NECTIN1: variants seen among roughly 807,000 people sequenced by gnomAD.
NECTIN1 encodes nectin cell adhesion molecule 1.
In NECTIN1, 23 loss-of-function variants were observed where a neutral mutation model predicts 48.0. That is an observed-to-expected ratio of 0.48 (90% CI 0.34 to 0.68). NECTIN1 has a LOEUF of 0.68. Ranked by LOEUF, NECTIN1 falls within the 30% of genes least tolerant of loss-of-function variation. NECTIN1 has a pLI of 0.01. For synonymous variants in NECTIN1, 270 were observed against 288.9 expected (o/e 0.93, Z 0.66); for missense variants, 591 against 709.9 (o/e 0.83, Z 1.90).
Position 119,690,406 on chromosome 11 carries a change from T to TGG in NECTIN1, c.80-11643_80-11642dup, listed in dbSNP as rs200958117. ...GCTCCTGGATCACAGACCTCCGAGC[T>TGG]GGGGGGTGGCAGTCTTTATCCGATG... is the stretch of plus-strand genomic sequence containing the variant. On this transcript the variant is annotated intron_variant, in intron 1 of 5. Transcript: ENST00000264025. Among the ~76,000 whole-genome samples, 564 of 152,182 alleles carry TGG rather than the reference T, an allele frequency of 3.7e-3. 5 individuals are homozygous for TGG. The East Asian group carries it at 0.048, about 13-fold the overall frequency.
Position 119,661,958 on chromosome 11 carries a change from T to G in NECTIN1, c.*2789A>C, listed in dbSNP as rs905137363. On this transcript the variant is annotated 3_prime_UTR_variant, in exon 6 of 6. Coordinates refer to ENST00000264025, the MANE Select transcript of NECTIN1 (RefSeq NM_002855.5). Reference sequence around the variant, plus strand: ...TGCAGGCCTGTGTTCACCTACTCTGTGCTGCTGCTTTTCAGACCCTTCTGA... The same window carrying G: ...TGCAGGCCTGTGTTCACCTACTCTGGGCTGCTGCTTTTCAGACCCTTCTGA... 8.1e-6 allele frequency: 8 copies of G among 985,270 alleles called. No individual in the cohort carries two copies. Among genetic ancestry groups the G allele is most frequent in the African/African-American group, 1.7e-5 (1 of 57,206 alleles). The allele number at this position is 985,270 out of a possible 1,614,324, so 61.0% of individuals were successfully genotyped here.
rs74405489 is a variant in NECTIN1 at position 119,684,741 on chromosome 11, G to A, written c.80-5976C>T. On this transcript the variant is annotated intron_variant, in intron 1 of 5. Transcript: ENST00000264025. This position sits in a 1 kb window ranked among gnomAD's most constrained non-coding sequence, Gnocchi z 5.2. ...AAGCCAAGGCCAGCTCCGCCTGGGAGAGAGGCCGGTGTGGAGGAGCGTGCA... is the reference window on the plus strand; with the variant it reads ...AAGCCAAGGCCAGCTCCGCCTGGGAAAGAGGCCGGTGTGGAGGAGCGTGCA... Among the ~76,000 whole-genome samples, 562 of 152,358 alleles carry A rather than the reference G, an allele frequency of 3.7e-3. 5 individuals are homozygous for A. The East Asian group carries it at 0.048, about 13-fold the overall frequency.
At chr11:119,718,653 C>A (rs1591488366) in intron 1 of NECTIN1, among the ~76,000 whole-genome samples, 1 of 152,182 alleles carries the variant, frequency 6.6e-6, no homozygotes, top group Non-Finnish European at 1.5e-5. Context: ...GCTACTATAC[C>A]TGCCTCTGGT....
downstream of NECTIN1, among the ~76,000 whole-genome samples, chr11:119,658,512 A>G (rs931299910): frequency 6.6e-6 from 1 of 152,186 alleles, no homozygotes; most frequent in African/African-American, 2.4e-5. Flanking sequence ...GGGCACCGGT[A>G]CAGAGGTGGT....
intron 1 of NECTIN1, among the ~76,000 whole-genome samples, chr11:119,723,954 A>G (rs1274114425): frequency 1.3e-5 from 2 of 152,152 alleles, no homozygotes; most frequent in African/African-American, 4.8e-5. Context: ...CTGGGCTCCC[A>G]GGACCACCCT....
chr11:119,723,679 T>C (rs1865867191), intron 1 of NECTIN1, among the ~76,000 whole-genome samples: 1 of 152,218 alleles, frequency 6.6e-6, no homozygotes, highest in African/African-American at 2.4e-5. Flanking sequence ...GATATTATGT[T>C]CCATGTGTTT....
Position 119,662,742 on chromosome 11 carries a change from G to C in NECTIN1, c.*2005C>G. 1.8e-5 allele frequency: 18 copies of C among 984,048 alleles called. No individual in the cohort carries two copies. Among genetic ancestry groups the C allele is most frequent in the Non-Finnish European group, 2.2e-5 (18 of 830,364 alleles). 61.0% of individuals were successfully genotyped at this position (984,048 alleles called of 1,614,324 possible). ...CCCTGTCCTGGGGGACACTAATACT[G>C]CTGGGAAAAGCAGCCCAGCTCCTCC... On this transcript the variant is annotated 3_prime_UTR_variant, in exon 6 of 6. Coordinates refer to ENST00000264025, the MANE Select transcript of NECTIN1 (RefSeq NM_002855.5). This position sits in a 1 kb window ranked among gnomAD's most constrained non-coding sequence, Gnocchi z 5.3.
exon 7 of NECTIN1, chr11:119,638,734 G>C (rs780609164): frequency 6.2e-7 from 1 of 1,613,692 alleles, no homozygotes; most frequent in Non-Finnish European, 8.5e-7. Flanking sequence ...GGCCCACCTG[G>C]ATATCCTCAG....
intron 1 of NECTIN1, among the ~76,000 whole-genome samples, chr11:119,694,652 G>A (rs1865312365): frequency 6.6e-6 from 1 of 152,200 alleles, no homozygotes; most frequent in Non-Finnish European, 1.5e-5. Context: ...TTTGCTCTTT[G>A]AACTTGATGG....
intron 5 of NECTIN1, among the ~76,000 whole-genome samples, chr11:119,666,288 G>A (rs1864768923): frequency 6.6e-6 from 1 of 152,248 alleles, no homozygotes; most frequent in South Asian, 2.1e-4. Flanking sequence ...CCGACATGAT[G>A]AACATGAGTG....
Position 119,686,223 on chromosome 11 carries a change from C to T in NECTIN1, c.80-7458G>A, listed in dbSNP as rs150073354. 1.5e-3 allele frequency among the ~76,000 whole-genome samples: 233 copies of T among 152,272 alleles called. 1 individual carries two copies. Among genetic ancestry groups the T allele is most frequent in the Middle Eastern group, 6.8e-3 (2 of 294 alleles). On this transcript the variant is annotated intron_variant, in intron 1 of 5. Transcript: ENST00000264025. ...TGGTCCTGATTCAAACTTCCTAAGCCCTCTCTCACTAGTGCACACCTCCCT... is the reference window on the plus strand; with the variant it reads ...TGGTCCTGATTCAAACTTCCTAAGCTCTCTCTCACTAGTGCACACCTCCCT...
At chr11:119,704,902 T>G (rs1865521912) in intron 1 of NECTIN1, among the ~76,000 whole-genome samples, 1 of 152,262 alleles carries the variant, frequency 6.6e-6, no homozygotes, top group Non-Finnish European at 1.5e-5. Context: ...GTTTGAGTCC[T>G]GGCCCTGCCA....
At chr11:119,710,774 A>G (rs1486741864) in intron 1 of NECTIN1, among the ~76,000 whole-genome samples, 1 of 152,110 alleles carries the variant, frequency 6.6e-6, no homozygotes, top group African/African-American at 2.4e-5. Flanking sequence ...ATGGGAGAGA[A>G]GACCCCATAC....
intron 5 of NECTIN1, among the ~76,000 whole-genome samples, chr11:119,644,968 C>T (rs1053873014): frequency 4.0e-4 from 61 of 152,262 alleles, no homozygotes; most frequent in African/African-American, 1.4e-3. Flanking sequence ...CAGACACTAC[C>T]TTTCTCATGA....
chr11:119,685,084 C>T (rs1018091548), intron 1 of NECTIN1, among the ~76,000 whole-genome samples: 7 of 152,310 alleles, frequency 4.6e-5, no homozygotes, highest in Admixed American at 2.0e-4. Flanking sequence ...GACTTGAGTC[C>T]GGCCTGGCCT....
At chr11:119,638,233 G>A (rs765237846) in exon 8 of NECTIN1, 1 of 1,614,048 alleles carries the variant, frequency 6.2e-7, no homozygotes, top group Non-Finnish European at 8.5e-7. Flanking sequence ...GCCTCCCTGG[G>A]TCCAGGTGGA....
intron 5 of NECTIN1, chr11:119,641,427 G>A (rs1008481878): frequency 2.6e-5 from 4 of 152,200 alleles, no homozygotes; most frequent in African/African-American, 9.7e-5. Context: ...TTATCAAAGC[G>A]TTAAGGGCTG....
chr11:119,650,063 G>C (rs192643464), intron 5 of NECTIN1, among the ~76,000 whole-genome samples: 1 of 151,268 alleles, frequency 6.6e-6, no homozygotes, highest in Non-Finnish European at 1.5e-5. Flanking sequence ...ACAGTCAAAG[G>C]GGGGTTGTTA....
intron 5 of NECTIN1, among the ~76,000 whole-genome samples, chr11:119,655,276 G>C (rs546391119): frequency 6.6e-6 from 1 of 152,024 alleles, no homozygotes; most frequent in South Asian, 2.1e-4. Flanking sequence ...GGAAGGTACA[G>C]ACAGTCTATG....
Sources: gnomAD v4.1 joint callset for allele counts (sites outside exome capture counted in the v4.1 genomes callset) on GRCh38, gnomAD v4.1.1 for gene constraint, Gnocchi (gnomAD v3.1) non-coding constraint, MANE v1.5 for transcripts, NCBI Gene and HGNC (gene_info 2026-07-23, HGNC 2026-07-21) for gene names.